The following SH3GL3 variants were observed in gnomAD, a reference collection of about 807,000 sequenced individuals.
The protein encoded by SH3GL3 is endophilin-A3.
In SH3GL3, 33 loss-of-function variants were observed where a neutral mutation model predicts 47.7. The observed-to-expected ratio is 0.69, with a 90% CI of 0.52 to 0.92. SH3GL3 has a LOEUF of 0.92. SH3GL3 is among the 40% of genes least tolerant of loss of function. The pLI is 0.00. For missense variants in SH3GL3, 363 were observed against 417.8 expected, an observed-to-expected ratio of 0.87 and a Z score of 1.14; for synonymous variants, 155 against 148.8, an observed-to-expected ratio of 1.04 and a Z score of -0.30.
At chr15:83,551,022 A>G (rs1424042487) in intron 1 of SH3GL3, among the ~76,000 whole-genome samples, 1 of 152,214 alleles carries the variant, frequency 6.6e-6, no homozygotes, top group Non-Finnish European at 1.5e-5. Flanking sequence ...TTGAAAACAG[A>G]TATTTGCACG....
intron 7 of SH3GL3, 26 bp downstream of exon 7, chr15:83,587,112 G>A (rs765401129): frequency 7.7e-7 from 1 of 1,292,766 alleles, no homozygotes; most frequent in African/African-American, 1.5e-5. Context: ...TTTCTTACAA[G>A]CCAAGGGCTG....
At chr15:83,617,237 C>G (rs1320509548) in intron 8 of SH3GL3, among the ~76,000 whole-genome samples, 1 of 152,172 alleles carries the variant, frequency 6.6e-6, no homozygotes, top group Non-Finnish European at 1.5e-5. Flanking sequence ...TGTAAATATT[C>G]TTGCCTTTCT....
chr15:83,608,759 G>A (rs371268626), intron 8 of SH3GL3, among the ~76,000 whole-genome samples: 8 of 55,758 alleles, frequency 1.4e-4, no homozygotes, highest in Middle Eastern at 7.9e-3. Flanking sequence ...CCCCCCGCCC[G>A]CCCATGGTAG....
intron 8 of SH3GL3, chr15:83,609,126 AT>A: frequency 2.7e-6 from 1 of 373,906 alleles, no homozygotes; most frequent in Non-Finnish European, 5.5e-6. Flanking sequence ...ACGAGTGCGG[AT>A]TCTCATTGCT....
chr15:83,556,892 T>C (rs2044987768), intron 1 of SH3GL3, among the ~76,000 whole-genome samples: 1 of 152,210 alleles, frequency 6.6e-6, no homozygotes, highest in Admixed American at 6.5e-5. Flanking sequence ...CCGAGGTTGC[T>C]CAGGTGGGAT....
intron 1 of SH3GL3, among the ~76,000 whole-genome samples, chr15:83,507,711 GGCC>G (rs2042573136): frequency 6.6e-6 from 1 of 151,864 alleles, no homozygotes; most frequent in African/African-American, 2.4e-5. Context: ...CACCGCGCCT[GGCC>G]TCATTCATTT....
In SH3GL3 at chr15:83,578,028, T is replaced by C. The variant is rs3794522; in HGVS notation, c.624+1287T>C. Among the ~76,000 whole-genome samples, 6 of 152,354 alleles carry C rather than the reference T, an allele frequency of 3.9e-5. No homozygotes were observed. In the East Asian group the frequency reaches 1.2e-3, roughly 29 times the overall value. ...TTTTTCAGCTGTTCCATAGTGGTGC[T>C]TGTGGGCTCGGGAATTGTGAAGGTC... is the stretch of plus-strand genomic sequence containing the variant. On this transcript the variant is annotated intron_variant, in intron 6 of 8. Transcript: ENST00000427482.
intron 1 of SH3GL3, among the ~76,000 whole-genome samples, chr15:83,469,292 T>C (rs1327120436): frequency 6.6e-6 from 1 of 152,156 alleles, no homozygotes; most frequent in Admixed American, 6.5e-5. Context: ...TTTTATTTTC[T>C]CAATTGTTTT....
chr15:83,631,551 C>T, the SH3GL3 span, among the ~76,000 whole-genome samples: 10 of 152,326 alleles, frequency 6.6e-5, no homozygotes, highest in East Asian at 1.9e-3. Context: ...CTTCTGTGCA[C>T]CCCAGGCCCA....
intron 1 of SH3GL3, among the ~76,000 whole-genome samples, chr15:83,507,208 CCG>C (rs1346517841): frequency 1.3e-5 from 2 of 151,930 alleles, no homozygotes; most frequent in African/African-American, 4.8e-5. Context: ...CAGGGTTTCA[CCG>C]TGTTAACCAG....
intron 1 of SH3GL3, among the ~76,000 whole-genome samples, chr15:83,462,218 T>G (rs1304971743): frequency 6.6e-6 from 1 of 152,200 alleles, no homozygotes; most frequent in African/African-American, 2.4e-5. Context: ...GCATTCAGAC[T>G]GCAAAACTGC....
intron 1 of SH3GL3, chr15:83,490,853 G>A: frequency 6.2e-7 from 1 of 1,614,110 alleles, no homozygotes; most frequent in Non-Finnish European, 8.5e-7. Flanking sequence ...ATCTTTGCTG[G>A]GATAATATGC....
chr15:83,574,786 T>C (rs1459496078), intron 5 of SH3GL3, among the ~76,000 whole-genome samples: 1 of 152,208 alleles, frequency 6.6e-6, no homozygotes, highest in African/African-American at 2.4e-5. Flanking sequence ...TTTTGCTTTG[T>C]GCTTTCTCGC....
At chr15:83,467,952 C>T (rs1241263750) in intron 1 of SH3GL3, among the ~76,000 whole-genome samples, 4 of 152,088 alleles carry the variant, frequency 2.6e-5, no homozygotes, top group Admixed American at 6.5e-5. Flanking sequence ...CTCAGCCTCC[C>T]GAGTAGCTGG....
intron 1 of SH3GL3, among the ~76,000 whole-genome samples, chr15:83,528,006 T>C (rs2043501170): frequency 6.6e-6 from 1 of 152,206 alleles, no homozygotes; most frequent in Non-Finnish European, 1.5e-5. Flanking sequence ...TATCTTGTTT[T>C]TGCTTGTCTG....
chr15:83,488,000 C>G (rs1218925639), intron 1 of SH3GL3: 1 of 151,918 alleles, frequency 6.6e-6, no homozygotes, highest in Non-Finnish European at 1.5e-5. Context: ...CTCAGCCTCC[C>G]GAGTAGCTGG....
At chr15:83,472,461 C>T (rs1028424417) in intron 1 of SH3GL3, among the ~76,000 whole-genome samples, 1 of 152,014 alleles carries the variant, frequency 6.6e-6, no homozygotes, top group Non-Finnish European at 1.5e-5. Context: ...TTCTATCTTC[C>T]AGTTCACATT....
intron 1 of SH3GL3, among the ~76,000 whole-genome samples, chr15:83,460,342 T>A (rs2040231544): frequency 6.6e-6 from 1 of 151,980 alleles, no homozygotes; most frequent in African/African-American, 2.4e-5. Flanking sequence ...CTAAAAGCCA[T>A]GCATTCCACT....
At chr15:83,549,893 A>G (rs906610292) in intron 1 of SH3GL3, among the ~76,000 whole-genome samples, 1 of 152,132 alleles carries the variant, frequency 6.6e-6, no homozygotes, top group Non-Finnish European at 1.5e-5. Context: ...ACATTTCCTA[A>G]AGAGAACAGT....
Sources: gnomAD v4.1 joint callset for allele counts (sites outside exome capture counted in the v4.1 genomes callset) on GRCh38, gnomAD v4.1.1 for gene constraint, MANE v1.5 for transcripts, NCBI Gene and HGNC (gene_info 2026-07-23, HGNC 2026-07-21) for gene names.